The following ANKS1B variants were observed in gnomAD, a reference collection of about 807,000 sequenced individuals.
ANKS1B encodes ankyrin repeat and sterile alpha motif domain containing 1B, also known as ankyrin repeat and sterile alpha motif domain-containing protein 1B.
ANKS1B carries 36 observed loss-of-function variants against 148.3 expected under a neutral mutation model. That is an observed-to-expected ratio of 0.24 (90% CI 0.19 to 0.32). The LOEUF (loss-of-function observed/expected upper bound fraction) is 0.32. Among genes scored for constraint, ANKS1B ranks in the 10% least tolerant of loss-of-function variants. The probability of loss-of-function intolerance (pLI) is 1.00; values close to 1 mark genes in which losing one functional copy is unlikely to be tolerated. For missense variants in ANKS1B, 1,157 were observed against 1,542.6 expected (o/e 0.75, Z 4.19); for synonymous variants, 542 against 560.8 (o/e 0.97, Z 0.47).
exon 10 of ANKS1B, chr12:98,735,034 GC>G (rs1191465040): frequency 1.5e-5 from 6 of 391,770 alleles, no homozygotes; most frequent in Non-Finnish European, 2.2e-5. Context: ...GATTCCTTGA[GC>G]CCTGGAGTTT....
chr12:99,421,786 T>C (rs1043502485), intron 11 of ANKS1B, among the ~76,000 whole-genome samples: 3 of 152,160 alleles, frequency 2.0e-5, no homozygotes, highest in African/African-American at 7.2e-5. Context: ...CACACTGAAC[T>C]GTAATCCTCA....
chr12:98,909,391 T>C (rs1040179585), intron 17 of ANKS1B, among the ~76,000 whole-genome samples: 1 of 152,202 alleles, frequency 6.6e-6, no homozygotes, highest in Non-Finnish European at 1.5e-5. Flanking sequence ...ATGAGGTACA[T>C]GAGGCTCAGA....
intron 12 of ANKS1B, among the ~76,000 whole-genome samples, chr12:99,324,851 T>G (rs1335369100): frequency 6.6e-6 from 1 of 152,130 alleles, no homozygotes; most frequent in African/African-American, 2.4e-5. Flanking sequence ...GGAGCTTAGC[T>G]GTTATGTGGT....
At chr12:98,776,733 T>A (rs986776099) in intron 24 of ANKS1B, among the ~76,000 whole-genome samples, 21 of 152,348 alleles carry the variant, frequency 1.4e-4, no homozygotes, top group African/African-American at 3.6e-4. Flanking sequence ...GCCGGGCTTT[T>A]CCTGAGTGAG....
chr12:99,721,898 T>A (rs894764959), intron 8 of ANKS1B, among the ~76,000 whole-genome samples: 8 of 152,332 alleles, frequency 5.3e-5, no homozygotes, highest in African/African-American at 1.9e-4. Flanking sequence ...AGTGGACACA[T>A]AAATGATAAG....
At chr12:99,144,272 G>T (rs987459212) in intron 15 of ANKS1B, among the ~76,000 whole-genome samples, 2 of 152,102 alleles carry the variant, frequency 1.3e-5, no homozygotes, top group Non-Finnish European at 2.9e-5. Flanking sequence ...ACTGGAAGAG[G>T]CTGCAAAATA....
At chr12:99,296,829 C>T (rs2080938405) in intron 12 of ANKS1B, among the ~76,000 whole-genome samples, 1 of 152,038 alleles carries the variant, frequency 6.6e-6, no homozygotes, top group Non-Finnish European at 1.5e-5. Flanking sequence ...AGTAAAGATT[C>T]AACTAGTATG....
chr12:99,414,761 C>T (rs2094840136), intron 11 of ANKS1B, among the ~76,000 whole-genome samples: 1 of 152,158 alleles, frequency 6.6e-6, no homozygotes, highest in South Asian at 2.1e-4. Flanking sequence ...CAACAAACCA[C>T]CATAGCACAT....
chr12:99,351,046 G>A (rs2091356252), intron 12 of ANKS1B, among the ~76,000 whole-genome samples: 1 of 152,082 alleles, frequency 6.6e-6, no homozygotes, highest in Non-Finnish European at 1.5e-5. Flanking sequence ...AAATCACAAA[G>A]TGCTTTATCA....
At chr12:99,745,034 G>A (rs1005235849) in intron 8 of ANKS1B, among the ~76,000 whole-genome samples, 1 of 144,208 alleles carries the variant, frequency 6.9e-6, no homozygotes, top group Non-Finnish European at 1.5e-5. Context: ...GTATCTTTAG[G>A]AGCCCAAGAA....
chr12:98,815,645 G>A (rs980452165), intron 19 of ANKS1B, among the ~76,000 whole-genome samples: 16 of 152,146 alleles, frequency 1.1e-4, no homozygotes, highest in African/African-American at 3.9e-4. Context: ...CTCCCTGTGA[G>A]CTTCCTTGTT....
At chr12:99,584,206 CA>C (rs1228233042) in intron 9 of ANKS1B, among the ~76,000 whole-genome samples, 1 of 152,102 alleles carries the variant, frequency 6.6e-6, no homozygotes, top group African/African-American at 2.4e-5. Flanking sequence ...AAGTCATGGG[CA>C]AAAGCTTATG....
Position 99,977,503 on chromosome 12 carries a change from G to A in ANKS1B, c.134+6601C>T, listed in dbSNP as rs114183983. Among the ~76,000 whole-genome samples the A allele has an allele frequency of 9.1e-3, 1,389 of 152,134 alleles. 26 individuals are homozygous for A. Among genetic ancestry groups the A allele is most frequent in the African/African-American group, 0.031 (1,296 of 41,490 alleles). ...ACAAATAAATTTCAACATGAGTTTT[G>A]GAGACAACACTCAAATCATAGCACT... is the stretch of plus-strand genomic sequence containing the variant. On this transcript the variant is annotated intron_variant, in intron 1 of 26. Coordinates refer to ENST00000683438, the MANE Select transcript of ANKS1B (RefSeq NM_001352186.2).
intron 17 of ANKS1B, among the ~76,000 whole-genome samples, chr12:98,935,398 C>A (rs2099817637): frequency 6.6e-6 from 1 of 152,162 alleles, no homozygotes; most frequent in African/African-American, 2.4e-5. Flanking sequence ...AAGATTTCTG[C>A]ATCTATGCAT....
intron 15 of ANKS1B, among the ~76,000 whole-genome samples, chr12:99,138,517 G>A (rs550522818): frequency 3.5e-4 from 54 of 152,274 alleles, no homozygotes; most frequent in Non-Finnish European, 3.1e-4. Flanking sequence ...ATACTCACCC[G>A]CCTTTGCTGT....
intron 10 of ANKS1B, among the ~76,000 whole-genome samples, chr12:99,474,890 G>A (rs1567175174): frequency 6.6e-6 from 1 of 151,914 alleles, no homozygotes; most frequent in African/African-American, 2.4e-5. Context: ...GGAAAAGAGT[G>A]AAAATATTTA....
intron 17 of ANKS1B, chr12:98,931,749 C>T (rs1242801079): frequency 6.6e-6 from 1 of 152,180 alleles, no homozygotes; most frequent in Admixed American, 6.6e-5. Context: ...TTAGTTAATA[C>T]TGCCCTTCAT....
intron 9 of ANKS1B, among the ~76,000 whole-genome samples, chr12:99,642,660 A>C (rs2098322406): frequency 1.3e-5 from 2 of 152,144 alleles, no homozygotes; most frequent in South Asian, 4.1e-4. Flanking sequence ...TACTAAAAAT[A>C]CAAAAAATTA....
chr12:99,388,649 T>C (rs1427368984), intron 12 of ANKS1B, among the ~76,000 whole-genome samples: 1 of 152,156 alleles, frequency 6.6e-6, no homozygotes, highest in African/African-American at 2.4e-5. Flanking sequence ...GGAGTCTGGG[T>C]GGCTTAACTG....
Sources: allele counts gnomAD v4.1 joint callset (sites outside exome capture counted in the v4.1 genomes callset), GRCh38; gene constraint gnomAD v4.1.1; transcripts MANE v1.5; gene names NCBI Gene and HGNC (gene_info 2026-07-23, HGNC 2026-07-21).